The following ZNF549 variants were observed in gnomAD, a reference collection of about 807,000 sequenced individuals.
The protein encoded by ZNF549 is zinc finger protein 549.
In ZNF549, 11 loss-of-function variants were observed where a neutral mutation model predicts 11.1. The observed-to-expected ratio is 0.99, with a 90% CI of 0.62 to 1.64. The LOEUF (loss-of-function observed/expected upper bound fraction) is 1.64, where lower values mean the gene tolerates loss of function less well. ZNF549 is among the 40% of genes most tolerant of loss of function. ZNF549 has a pLI of 0.00. For missense variants in ZNF549, 748 were observed against 765.1 expected (o/e 0.98, Z 0.26); for synonymous variants, 266 against 269.1 (o/e 0.99, Z 0.11).
chr19:57,537,167 G>A (rs1387430719), intron 3 of ZNF549, 37 bp from the exon 4 acceptor site: 1 of 1,578,536 alleles, frequency 6.3e-7, no homozygotes. Flanking sequence ...TTCTACCAAA[G>A]TCTGCATATA....
Position 57,538,414 on chromosome 19 carries a change from A to G in ZNF549, c.1410A>G (p.Glu470=). 2 of 1,614,200 alleles carry G rather than the reference A, an allele frequency of 1.2e-6. No individual in the cohort carries two copies. Among genetic ancestry groups the G allele is most frequent in the African/African-American group, 1.3e-5 (1 of 75,048 alleles). Reference sequence around the variant, plus strand: ...GACACCAGAGAATTCACACTGGAGAAAGGGCTTATGAATGCAGTGACTGTG... The same window carrying G: ...GACACCAGAGAATTCACACTGGAGAGAGGGCTTATGAATGCAGTGACTGTG... ...YMRHQRIHTG[E]RAYECSDCGK... is the part of the protein sequence containing the mutation. The change falls in exon 4 of 4, where the codon GAA becomes GAG. Residue 470 remains glutamate, a synonymous_variant. Coordinates refer to ENST00000376233, the MANE Select transcript of ZNF549 (RefSeq NM_001199295.2).
At chr19:57,531,288 TC>T (rs1419518069) in intron 2 of ZNF549, among the ~76,000 whole-genome samples, 180 bp downstream of exon 2, 2 of 152,198 alleles carry the variant, frequency 1.3e-5, no homozygotes, top group African/African-American at 4.8e-5. Context: ...TGTTCCCATT[TC>T]TGCATCCAAT....
chr19:57,532,778 G>C (rs533471280), intron 2 of ZNF549, among the ~76,000 whole-genome samples: 1 of 152,314 alleles, frequency 6.6e-6, no homozygotes, highest in Admixed American at 6.5e-5. Flanking sequence ...ATTCAGTTAA[G>C]TTTAGTGGTT....
rs2089902543 is a variant in ZNF549, at chr19:57,531,160, G to A, written c.72+52G>A. 1.9e-6 allele frequency: 3 copies of A among 1,579,884 alleles called. No homozygotes were observed. In the South Asian group the frequency reaches 3.3e-5, roughly 17 times the overall value. ...ACTGGCCCTGTTCCCTAAAGCCATG[G>A]GTCTGGCCCACAGATGCAGGTAACA... is the stretch of plus-strand genomic sequence containing the variant. On this transcript the variant is annotated intron_variant, in intron 2 of 3. Transcript: ENST00000376233.
At chr19:57,536,208 TG>T (rs2089923963) in intron 3 of ZNF549, among the ~76,000 whole-genome samples, 3 of 152,198 alleles carry the variant, frequency 2.0e-5, no homozygotes, top group African/African-American at 7.2e-5. Flanking sequence ...CCTCAGCTCG[TG>T]ATGGGGTTAT....
chr19:57,535,057 T>C, intron 2 of ZNF549, 87 bp from the exon 3 acceptor site: 1 of 1,537,906 alleles, frequency 6.5e-7, no homozygotes, highest in Admixed American at 1.8e-5. Context: ...GTATCTCCTC[T>C]GAGTTGGAGA....
rs1458374361 is a variant in ZNF549, at chr19:57,530,973, A to G, written c.34-97A>G. 15 of 1,143,408 alleles carry G rather than the reference A, an allele frequency of 1.3e-5. No homozygotes were observed. In the Admixed American group the frequency reaches 2.5e-4, roughly 19 times the overall value. 70.8% of individuals were successfully genotyped at this position (1,143,408 alleles called of 1,614,324 possible). The stretch of plus-strand genomic sequence containing the variant: ...AGATGAAGGCAACCTCAGAGAGGTT[A>G]GGTCTTTGTCTAGTGTCACACAGTT... On this transcript the variant is annotated intron_variant, in intron 1 of 3. Coordinates refer to ENST00000376233, the MANE Select transcript of ZNF549 (RefSeq NM_001199295.2).
chr19:57,531,110 T>C lies in ZNF549; in HGVS notation c.72+2T>C. 6.3e-7 allele frequency: 1 copy of C among 1,598,308 alleles called. No individual in the cohort carries two copies. Among genetic ancestry groups the C allele is most frequent in the Non-Finnish European group, 8.5e-7 (1 of 1,179,776 alleles). On this transcript the variant is annotated splice_donor_variant, in intron 2 of 3. Coordinates refer to ENST00000376233, the MANE Select transcript of ZNF549 (RefSeq NM_001199295.2). LOFTEE classifies it high-confidence loss of function. The stretch of plus-strand genomic sequence containing the variant: ...GAAGAGTTTGTGAAACCATCACAGG[T>C]AAGTGGAAGAAGTCCCAGGTCTTCA...
At chr19:57,529,466 A>G (rs1460642715) in intron 1 of ZNF549, among the ~76,000 whole-genome samples, 1 of 152,232 alleles carries the variant, frequency 6.6e-6, no homozygotes, top group Non-Finnish European at 1.5e-5. Flanking sequence ...GACAATAAAA[A>G]AGCAAAAGTT....
At chr19:57,535,589 C>T (rs945441867) in intron 3 of ZNF549, among the ~76,000 whole-genome samples, 5 of 152,088 alleles carry the variant, frequency 3.3e-5, no homozygotes, top group African/African-American at 1.2e-4. Context: ...TCTCCCCCTG[C>T]CTTTAGTAGA....
intron 3 of ZNF549, among the ~76,000 whole-genome samples, chr19:57,536,364 G>C (rs111887346): frequency 0.014 from 2,117 of 152,270 alleles, 59 homozygotes; most frequent in African/African-American, 0.048. Flanking sequence ...GAGAGCTGCA[G>C]CTTGCTACCA....
Position 57,539,117 on chromosome 19 carries a change from A to G in ZNF549, c.*190A>G. On this transcript the variant is annotated 3_prime_UTR_variant, in exon 4 of 4. Transcript: ENST00000376233. ...TACTTTCTAATCTGCCCAGTGTTAC[A>G]ACAGACACTACCATGTGGCATATCC... is the stretch of plus-strand genomic sequence containing the variant. The G allele has an allele frequency of 1.6e-6, 1 of 620,958 alleles. No individual in the cohort carries two copies. Among genetic ancestry groups the G allele is most frequent in the Non-Finnish European group, 2.7e-6 (1 of 364,294 alleles). 38.5% of individuals were successfully genotyped at this position (620,958 alleles called of 1,614,324 possible). A position where few individuals can be genotyped will look rare whatever the true frequency, so the allele number is the denominator to read the frequency against.
rs745745317 is a variant in ZNF549, at chr19:57,537,284, C to T, written c.280C>T (p.Pro94Ser). 3 of 1,614,074 alleles carry T rather than the reference C, an allele frequency of 1.9e-6. No homozygotes were observed. In the African/African-American group the frequency reaches 4.0e-5, roughly 22 times the overall value. ...SAQGVSQARTPKLGPSIPNAH... is the reference protein window; with the variant it reads ...SAQGVSQARTSKLGPSIPNAH... ...GCAAGGAGTGTCACAGGCCAGGACTCCAAAGCTAGGTCCTTCCATCCCAAA... is the reference window on the plus strand; with the variant it reads ...GCAAGGAGTGTCACAGGCCAGGACTTCAAAGCTAGGTCCTTCCATCCCAAA... The change falls in exon 4 of 4, where the codon CCA (proline) becomes TCA (serine). Residue 94 changes from proline (P) to serine (S), a missense_variant. Coordinates refer to ENST00000376233, the MANE Select transcript of ZNF549 (RefSeq NM_001199295.2).
Position 57,538,586 on chromosome 19 carries a change from C to T in ZNF549, c.1582C>T (p.Leu528Phe), listed in dbSNP as rs966266697. The change falls in exon 4 of 4, where the codon CTT (leucine) becomes TTT (phenylalanine). Residue 528 changes from leucine to phenylalanine, a missense_variant. Transcript: ENST00000376233. ...QHQRIHTREQ[L>F]CECNECGKVF... Reference sequence around the variant, plus strand: ...CCAAAGAATCCATACTAGAGAACAACTTTGTGAGTGCAATGAATGTGGAAA... The same window carrying T: ...CCAAAGAATCCATACTAGAGAACAATTTTGTGAGTGCAATGAATGTGGAAA... 1.1e-5 allele frequency: 18 copies of T among 1,614,072 alleles called. No homozygotes were observed. Among genetic ancestry groups the T allele is most frequent in the Non-Finnish European group, 1.5e-5 (18 of 1,180,048 alleles).
intron 1 of ZNF549, 87 bp downstream of exon 1, chr19:57,527,693 TCTC>T: frequency 1.3e-6 from 2 of 1,510,586 alleles, no homozygotes; most frequent in South Asian, 2.4e-5. Flanking sequence ...TCAGGCCTCT[TCTC>T]CAGGACAGCG....
chr19:57,530,386 G>A (rs772789569), intron 1 of ZNF549, among the ~76,000 whole-genome samples: 6 of 152,152 alleles, frequency 3.9e-5, no homozygotes, highest in South Asian at 4.1e-4. Flanking sequence ...CATATGCATC[G>A]CTTCCATTTG....
Position 57,537,581 on chromosome 19 carries a change from A to G in ZNF549, c.577A>G (p.Thr193Ala), listed in dbSNP as rs201428370. The change falls in exon 4 of 4, where the codon ACC becomes GCC. Residue 193 changes from threonine (T) to alanine (A), a missense_variant. Coordinates refer to ENST00000376233, the MANE Select transcript of ZNF549 (RefSeq NM_001199295.2). The stretch of plus-strand genomic sequence containing the variant: ...CAAAGATGTTGAGAAGGATTTTCCA[A>G]CCATCCTGGGCCTTCTCCAACACCA... Reference protein sequence around the residue: ...PCKDVEKDFPTILGLLQHQTT... With the variant: ...PCKDVEKDFPAILGLLQHQTT... The G allele has an allele frequency of 4.1e-5, 66 of 1,614,078 alleles. No individual in the cohort carries two copies. The African/African-American group carries it at 6.5e-4, about 16-fold the overall frequency.
Position 57,537,736 on chromosome 19 carries a change from A to G in ZNF549, c.732A>G (p.Glu244=), listed in dbSNP as rs2089932537. ...VTEHQRVHTG[E]KAYKRREYGK... Reference sequence around the variant, plus strand: ...AGCATCAGAGAGTCCACACTGGAGAAAAAGCTTATAAGCGTAGGGAATATG... The same window carrying G: ...AGCATCAGAGAGTCCACACTGGAGAGAAAGCTTATAAGCGTAGGGAATATG... Residue 244 remains glutamate (E), a synonymous_variant, in exon 4 of 4, where the codon GAA becomes GAG. Transcript: ENST00000376233. 6.2e-7 allele frequency: 1 copy of G among 1,614,086 alleles called. No individual in the cohort carries two copies. Among genetic ancestry groups the G allele is most frequent in the East Asian group, 2.2e-5 (1 of 44,876 alleles).
rs1160363419 is a variant in ZNF549 at position 57,537,682 on chromosome 19, A to G, written c.678A>G (p.Gln226=). 2 of 1,614,206 alleles carry G rather than the reference A, an allele frequency of 1.2e-6. No individual in the cohort carries two copies. The highest frequency in any genetic ancestry group is 1.7e-6 in the Non-Finnish European group (2 of 1,180,040). The change falls in exon 4 of 4, where the codon CAA becomes CAG. Residue 226 remains glutamine, a synonymous_variant. Transcript: ENST00000376233. ...TFQQRRYKCE[Q]VFNEKVHVTE... ...AACAAAGACGTTACAAATGTGAGCA[A>G]GTTTTCAATGAGAAAGTTCATGTTA... is the stretch of plus-strand genomic sequence containing the variant.
Sources: allele counts gnomAD v4.1 joint callset (sites outside exome capture counted in the v4.1 genomes callset), GRCh38; gene constraint gnomAD v4.1.1; transcripts MANE v1.5; gene names NCBI Gene and HGNC (gene_info 2026-07-23, HGNC 2026-07-21).